MBNL2: variants seen among roughly 807,000 people sequenced by gnomAD.
The protein encoded by MBNL2 is muscleblind like splicing regulator 2.
In MBNL2, 17 loss-of-function variants were observed where a neutral mutation model predicts 41.9. The ratio of observed to expected loss-of-function variants is 0.41; its 90% CI spans 0.28 to 0.61. The LOEUF is 0.61. Ranked by LOEUF, MBNL2 falls within the 20% of genes least tolerant of loss-of-function variation. The probability of loss-of-function intolerance (pLI) is 0.35; values close to 1 mark genes in which losing one functional copy is unlikely to be tolerated. For synonymous variants in MBNL2, 195 were observed against 182.9 expected (o/e 1.07, Z -0.53); for missense variants, 336 against 505.6 (o/e 0.66, Z 3.22).
chr13:97,178,338 A>T, the MBNL2 span, among the ~76,000 whole-genome samples: 1 of 152,228 alleles, frequency 6.6e-6, no homozygotes, highest in Non-Finnish European at 1.5e-5. Flanking sequence ...TGGAATAATT[A>T]ATGATCAGCA....
intron 2 of MBNL2, among the ~76,000 whole-genome samples, chr13:97,293,644 T>G (rs950390643): frequency 4.6e-5 from 7 of 152,212 alleles, no homozygotes; most frequent in Non-Finnish European, 7.3e-5. Context: ...ACTCCTCACA[T>G]GTTTCCTTGT....
upstream of MBNL2, among the ~76,000 whole-genome samples, chr13:97,218,424 AC>A (rs2040561168): frequency 1.1e-5 from 1 of 93,662 alleles, no homozygotes; most frequent in Non-Finnish European, 2.1e-5. Flanking sequence ...AAAAACAAAA[AC>A]AAAACAAAAC....
chr13:97,329,970 C>T (rs901449855), intron 2 of MBNL2, among the ~76,000 whole-genome samples: 18 of 152,154 alleles, frequency 1.2e-4, no homozygotes, highest in Admixed American at 6.5e-5. Flanking sequence ...CCCACCATTC[C>T]TTCTCAGCAT....
At chr13:97,167,644 A>G in the MBNL2 span, among the ~76,000 whole-genome samples, 4 of 152,196 alleles carry the variant, frequency 2.6e-5, no homozygotes, top group African/African-American at 4.8e-5. Context: ...CTAATTACCA[A>G]TCTAATTTAA....
chr13:97,189,342 T>G, the MBNL2 span, among the ~76,000 whole-genome samples: 7 of 152,036 alleles, frequency 4.6e-5, no homozygotes, highest in Admixed American at 4.6e-4. Context: ...TGGAAATCAG[T>G]AAATGCCTAT....
At chr13:97,349,346 A>G (rs1267869725) in intron 5 of MBNL2, among the ~76,000 whole-genome samples, 1 of 152,202 alleles carries the variant, frequency 6.6e-6, no homozygotes, top group African/African-American at 2.4e-5. Context: ...AGCACAAATG[A>G]GATCTTTTAC....
intron 1 of MBNL2, among the ~76,000 whole-genome samples, chr13:97,224,929 AG>A (rs2152765681): frequency 6.6e-6 from 1 of 152,392 alleles, no homozygotes; most frequent in Admixed American, 6.5e-5. Context: ...TTCTGGCCAC[AG>A]GCCTTGTAGT....
At chr13:97,341,982 T>C (rs2061476619) in intron 3 of MBNL2, among the ~76,000 whole-genome samples, 1 of 152,198 alleles carries the variant, frequency 6.6e-6, no homozygotes, top group East Asian at 1.9e-4. Flanking sequence ...ACTGCATTAA[T>C]ATGTAATTGC....
intron 2 of MBNL2, among the ~76,000 whole-genome samples, chr13:97,318,636 T>C (rs1056356326): frequency 5.9e-5 from 9 of 152,244 alleles, no homozygotes; most frequent in Non-Finnish European, 1.0e-4. Flanking sequence ...ATTCAGTTTG[T>C]AAATACATTT....
At chr13:97,248,888 T>A (rs1224901038) in intron 1 of MBNL2, among the ~76,000 whole-genome samples, 1 of 152,218 alleles carries the variant, frequency 6.6e-6, no homozygotes, top group Admixed American at 6.5e-5. Context: ...GCCAAGTCTA[T>A]GGAAAATGTT....
intron 2 of MBNL2, among the ~76,000 whole-genome samples, chr13:97,284,420 T>G (rs1326788544): frequency 1.3e-5 from 2 of 152,152 alleles, no homozygotes; most frequent in African/African-American, 4.8e-5. Flanking sequence ...GCTGTGTGTC[T>G]CCCTTCACAT....
At chr13:97,249,933 C>A (rs1259094458) in intron 1 of MBNL2, among the ~76,000 whole-genome samples, 1 of 152,158 alleles carries the variant, frequency 6.6e-6, no homozygotes, top group Non-Finnish European at 1.5e-5. Flanking sequence ...GGCTAAGTAA[C>A]TTTAGAAATC....
At chr13:97,208,591 G>A in the MBNL2 span, among the ~76,000 whole-genome samples, 2 of 152,186 alleles carry the variant, frequency 1.3e-5, no homozygotes. Context: ...TGTAAAAAAA[G>A]TCTCAGTGGT....
chr13:97,161,898 C>T, the MBNL2 span, among the ~76,000 whole-genome samples: 1 of 152,144 alleles, frequency 6.6e-6, no homozygotes, highest in Non-Finnish European at 1.5e-5. Flanking sequence ...GATACAGGGT[C>T]TGAGGAGTAC....
intron 1 of MBNL2, among the ~76,000 whole-genome samples, chr13:97,232,173 C>A (rs1457401912): frequency 6.6e-6 from 1 of 152,148 alleles, no homozygotes; most frequent in African/African-American, 2.4e-5. Flanking sequence ...AGTCTCATAC[C>A]TTGTTATAGG....
chr13:97,258,442 A>G (rs2047981481), intron 1 of MBNL2, among the ~76,000 whole-genome samples: 1 of 152,214 alleles, frequency 6.6e-6, no homozygotes, highest in Non-Finnish European at 1.5e-5. Context: ...CTAGGATGAA[A>G]GTAATAACAA....
chr13:97,177,715 A>G, the MBNL2 span, among the ~76,000 whole-genome samples: 1 of 152,214 alleles, frequency 6.6e-6, no homozygotes, highest in African/African-American at 2.4e-5. Flanking sequence ...CTGAAAATGT[A>G]AACAAGACAC....
At chr13:97,169,043 C>T in the MBNL2 span, among the ~76,000 whole-genome samples, 2 of 152,220 alleles carry the variant, frequency 1.3e-5, no homozygotes, top group South Asian at 2.1e-4. Context: ...GTCGTCTACT[C>T]CCCCCTTTGT....
intron 1 of MBNL2, among the ~76,000 whole-genome samples, chr13:97,262,902 T>A (rs1171658775): frequency 1.3e-5 from 2 of 152,206 alleles, no homozygotes; most frequent in African/African-American, 4.8e-5. Flanking sequence ...TAGCTGGGAT[T>A]ACAGGCATGC....
Sources: gnomAD v4.1 joint callset for allele counts (sites outside exome capture counted in the v4.1 genomes callset) on GRCh38, gnomAD v4.1.1 for gene constraint, MANE v1.5 for transcripts, NCBI Gene and HGNC (gene_info 2026-07-23, HGNC 2026-07-21) for gene names.